COMMD10: variants seen among roughly 807,000 people sequenced by gnomAD.
COMMD10 encodes the protein COMM domain-containing protein 10.
COMMD10 carries 33 observed loss-of-function variants against 28.9 expected under a neutral mutation model. That is an observed-to-expected ratio of 1.14 (90% confidence interval 0.87 to 1.53). The LOEUF is 1.53. Among genes scored for constraint, COMMD10 ranks in the 40% most tolerant of loss-of-function variants. COMMD10 has a pLI of 0.00. For missense variants in COMMD10, 310 were observed against 233.4 expected, an observed-to-expected ratio of 1.33 and a Z score of -2.14; for synonymous variants, 110 against 81.7, an observed-to-expected ratio of 1.35 and a Z score of -1.87.
intron 5 of COMMD10, among the ~76,000 whole-genome samples, chr5:116,250,427 A>T (rs1316516197): frequency 6.6e-6 from 1 of 151,572 alleles, no homozygotes; most frequent in African/African-American, 2.4e-5. Flanking sequence ...TTACAGAGAC[A>T]AGATTTTTAT....
chr5:116,241,778 A>C (rs1289721009), intron 5 of COMMD10, among the ~76,000 whole-genome samples: 1 of 151,810 alleles, frequency 6.6e-6, no homozygotes, highest in Non-Finnish European at 1.5e-5. Flanking sequence ...ACGCCCAGCT[A>C]ATTTTTTGTA....
At chr5:116,195,866 A>C (rs938716588) in intron 5 of COMMD10, among the ~76,000 whole-genome samples, 1 of 152,200 alleles carries the variant, frequency 6.6e-6, no homozygotes, top group Non-Finnish European at 1.5e-5. Flanking sequence ...GGGAAATACA[A>C]ATCAAAACCA....
chr5:116,124,452 G>A (rs1252739241), intron 4 of COMMD10, among the ~76,000 whole-genome samples: 2 of 152,102 alleles, frequency 1.3e-5, no homozygotes, highest in African/African-American at 4.8e-5. Context: ...TGTGATTTCT[G>A]TTCTTTTACA....
intron 5 of COMMD10, among the ~76,000 whole-genome samples, chr5:116,280,299 A>G (rs1751037730): frequency 6.6e-6 from 1 of 151,880 alleles, no homozygotes; most frequent in South Asian, 2.1e-4. Flanking sequence ...GTAGAAATTT[A>G]TTCATTCACT....
chr5:116,254,213 G>A (rs183030850), intron 5 of COMMD10, among the ~76,000 whole-genome samples: 104 of 151,698 alleles, frequency 6.9e-4, no homozygotes, highest in South Asian at 1.9e-3. Context: ...TCTTGCTAGC[G>A]GTCTATCAAT....
At chr5:116,176,305 G>A in intron 5 of COMMD10, among the ~76,000 whole-genome samples, 1 of 152,154 alleles carries the variant, frequency 6.6e-6, no homozygotes, top group Admixed American at 6.5e-5. Context: ...AGTAGAGACA[G>A]CGTTTGCCAG....
chr5:116,140,228 A>C (rs4499873), intron 5 of COMMD10, among the ~76,000 whole-genome samples: 123,229 of 150,258 alleles, frequency 0.82, 50,588 homozygotes, highest in African/African-American at 0.84. Context: ...GACTCATACT[A>C]CTATGTGTGT....
At chr5:116,156,404 A>T (rs958653710) in intron 5 of COMMD10, among the ~76,000 whole-genome samples, 5 of 152,196 alleles carry the variant, frequency 3.3e-5, no homozygotes, top group African/African-American at 4.8e-5. Context: ...GACAGCAAAT[A>T]TAAAAGCATC....
chr5:116,206,663 AAAAAG>A (rs1481019613), intron 5 of COMMD10, among the ~76,000 whole-genome samples: 1 of 152,162 alleles, frequency 6.6e-6, no homozygotes, highest in African/African-American at 2.4e-5. Context: ...AAAAAAAGAA[AAAAAG>A]AAAAGAAAAA....
At chr5:116,124,084 T>C (rs1205431621) in intron 4 of COMMD10, among the ~76,000 whole-genome samples, 1 of 152,162 alleles carries the variant, frequency 6.6e-6, no homozygotes, top group Non-Finnish European at 1.5e-5. Flanking sequence ...TTTGCTCTGA[T>C]CTTAGTTATT....
chr5:116,235,599 A>G (rs1218886439), intron 5 of COMMD10, among the ~76,000 whole-genome samples: 1 of 152,158 alleles, frequency 6.6e-6, no homozygotes, highest in African/African-American at 2.4e-5. Flanking sequence ...GTTTGCTTTC[A>G]TATTTAATAG....
chr5:116,207,190 T>C (rs1333346979), intron 5 of COMMD10, among the ~76,000 whole-genome samples: 1 of 152,204 alleles, frequency 6.6e-6, no homozygotes, highest in Non-Finnish European at 1.5e-5. Flanking sequence ...TTTGCTCTTT[T>C]TACTCCCATG....
At chr5:116,127,937 T>TA (rs1184409822) in intron 4 of COMMD10, among the ~76,000 whole-genome samples, 2 of 151,302 alleles carry the variant, frequency 1.3e-5, no homozygotes, top group Non-Finnish European at 3.0e-5. Flanking sequence ...ATAATAATAA[T>TA]AAAAAAGGTG....
Position 116,217,002 on chromosome 5 carries a change from C to T in COMMD10, c.511-74515C>T, listed in dbSNP as rs187279303. Among the ~76,000 whole-genome samples, 653 of 152,066 alleles carry T rather than the reference C, an allele frequency of 4.3e-3. 4 individuals are homozygous for T. The highest frequency in any genetic ancestry group is 0.015 in the African/African-American group (612 of 41,470). ...TGAGGGGATAGATTTTTAAATAGGTCATTTTGAAGATACTTTTGAGTAGAC... is the reference window on the plus strand; with the variant it reads ...TGAGGGGATAGATTTTTAAATAGGTTATTTTGAAGATACTTTTGAGTAGAC... On this transcript the variant is annotated intron_variant, in intron 5 of 6. Transcript: ENST00000274458.
Position 116,163,750 on chromosome 5 carries a change from CTTCT to C in COMMD10, c.510+29574_510+29577del, listed in dbSNP as rs1262303376. Among the ~76,000 whole-genome samples the C allele has an allele frequency of 2.0e-5, 3 of 152,008 alleles. No individual in the cohort carries two copies. The East Asian group carries it at 5.8e-4, about 29-fold the overall frequency. On this transcript the variant is annotated intron_variant, in intron 5 of 6. Coordinates refer to ENST00000274458, the MANE Select transcript of COMMD10 (RefSeq NM_016144.4). Reference sequence around the variant, plus strand: ...TTTATTATAAAGCACTAAGTTATGTCTTCTTAAACCACTTTTTGTTTAGAATACT... The same window carrying C: ...TTTATTATAAAGCACTAAGTTATGTCTAAACCACTTTTTGTTTAGAATACT...
intron 4 of COMMD10, among the ~76,000 whole-genome samples, chr5:116,117,610 C>T (rs539750669): frequency 2.6e-5 from 4 of 152,092 alleles, no homozygotes; most frequent in South Asian, 4.2e-4. Flanking sequence ...ATTACAGGCA[C>T]GCACCACCAC....
At chr5:116,227,529 C>T (rs1749423440) in intron 5 of COMMD10, among the ~76,000 whole-genome samples, 1 of 151,976 alleles carries the variant, frequency 6.6e-6, no homozygotes, top group South Asian at 2.1e-4. Flanking sequence ...CTTCAAATTC[C>T]ACATTTATGT....
At chr5:116,239,035 G>A (rs933544247) in intron 5 of COMMD10, among the ~76,000 whole-genome samples, 1 of 152,078 alleles carries the variant, frequency 6.6e-6, no homozygotes, top group African/African-American at 2.4e-5. Flanking sequence ...TAAAGTGTAT[G>A]TCTTCTATTG....
chr5:116,099,363 G>A (rs564443788), intron 4 of COMMD10, among the ~76,000 whole-genome samples: 3 of 152,296 alleles, frequency 2.0e-5, no homozygotes, highest in Non-Finnish European at 2.9e-5. Flanking sequence ...CAGACACTTA[G>A]GTTGTTTCCT....
Sources: gnomAD v4.1 joint callset for allele counts (sites outside exome capture counted in the v4.1 genomes callset) on GRCh38, gnomAD v4.1.1 for gene constraint, MANE v1.5 for transcripts, NCBI Gene and HGNC (gene_info 2026-07-23, HGNC 2026-07-21) for gene names.